KRT86: variants seen among roughly 807,000 people sequenced by gnomAD.
KRT86 encodes keratin, type II cuticular Hb6.
In KRT86, 30 loss-of-function variants were observed where a neutral mutation model predicts 41.2. The observed-to-expected ratio is 0.73, with a 90% CI of 0.54 to 0.99. The LOEUF (loss-of-function observed/expected upper bound fraction) is 0.99, where lower values mean the gene tolerates loss of function less well. Among genes scored for constraint, KRT86 ranks in the 50% least tolerant of loss-of-function variants. The pLI is 0.00. For missense variants in KRT86, 561 were observed against 571.4 expected (o/e 0.98, Z 0.19); for synonymous variants, 238 against 238.1 (o/e 1.00, Z 0.00).
intron 2 of KRT86, among the ~76,000 whole-genome samples, chr12:52,292,754 C>T (rs1336075343): frequency 6.6e-6 from 1 of 152,124 alleles, no homozygotes; most frequent in Non-Finnish European, 1.5e-5. Context: ...TTAAATTAAA[C>T]ATTGTTGGGA....
chr12:52,279,547 C>G (rs1297050642), intron 2 of KRT86, among the ~76,000 whole-genome samples: 1 of 152,162 alleles, frequency 6.6e-6, no homozygotes, highest in Non-Finnish European at 1.5e-5. Flanking sequence ...GTGGTCTGAG[C>G]TGCCAGGAGT....
intron 2 of KRT86, among the ~76,000 whole-genome samples, chr12:52,297,137 C>A (rs1057041961): frequency 6.6e-6 from 1 of 152,208 alleles, no homozygotes; most frequent in Admixed American, 6.5e-5. Context: ...CTGTCCTGCC[C>A]GCCTTTTGCC....
rs771448878 is a variant in KRT86, at chr12:52,287,209, C to A, written c.-5+11263C>A. On this transcript the variant is annotated intron_variant, in intron 2 of 10. Coordinates refer to ENST00000423955, the MANE Select transcript of KRT86 (RefSeq NM_001320198.2). ...ACTCCCTGATCAGGCAGGCCATGTC[C>A]TGCTTGGCCTTCTGCAGGGCGCCCT... 2.4e-5 allele frequency: 38 copies of A among 1,613,286 alleles called. 1 individual carries two copies. The East Asian group carries it at 8.5e-4, about 36-fold the overall frequency.
chr12:52,282,513 G>A (rs997724380), intron 2 of KRT86, among the ~76,000 whole-genome samples: 26 of 152,222 alleles, frequency 1.7e-4, no homozygotes, highest in African/African-American at 5.8e-4. Flanking sequence ...TGGGATTACA[G>A]GCGTGAGCCA....
intron 9 of KRT86, among the ~76,000 whole-genome samples, chr12:52,307,856 A>T (rs1298610089): frequency 6.6e-6 from 1 of 152,242 alleles, no homozygotes; most frequent in East Asian, 1.9e-4. Context: ...TTCAGTCAGA[A>T]CCAACTTCGA....
At chr12:52,286,250 G>C in intron 2 of KRT86, 1 of 1,553,000 alleles carries the variant, frequency 6.4e-7, no homozygotes, top group Non-Finnish European at 8.7e-7. Context: ...CTTGAGTTGG[G>C]GTGCCTAACA....
intron 2 of KRT86, among the ~76,000 whole-genome samples, chr12:52,276,490 G>A (rs1366751677): frequency 6.6e-6 from 1 of 152,128 alleles, no homozygotes; most frequent in Non-Finnish European, 1.5e-5. Flanking sequence ...TGAGGCAGAG[G>A]GTCCCTTGCC....
chr12:52,300,342 G>T (rs1173763060), intron 2 of KRT86, among the ~76,000 whole-genome samples: 1 of 152,092 alleles, frequency 6.6e-6, no homozygotes, highest in Non-Finnish European at 1.5e-5. Flanking sequence ...ATAAAATTCT[G>T]GTTGGTTCAA....
chr12:52,281,927 G>A (rs1184252474), intron 2 of KRT86, among the ~76,000 whole-genome samples: 6 of 151,994 alleles, frequency 3.9e-5, no homozygotes, highest in Admixed American at 3.9e-4. Context: ...GTTTTGTAGA[G>A]ATGGGGTCTC....
rs779212628 is a variant in KRT86, at chr12:52,304,941, T to G, written c.649T>G (p.Cys217Gly). The G allele has an allele frequency of 6.2e-7, 1 of 1,614,008 alleles. No individual in the cohort carries two copies. The highest frequency in any genetic ancestry group is 8.5e-7 in the Non-Finnish European group (1 of 1,180,020). ...EFVALKKDVDCAYLRKSDLEA... is the reference protein window; with the variant it reads ...EFVALKKDVDGAYLRKSDLEA... ...CTCCCCACCTTTCCAGGATGTGGACTGCGCCTACCTCCGCAAATCAGACCT... is the reference window on the plus strand; with the variant it reads ...CTCCCCACCTTTCCAGGATGTGGACGGCGCCTACCTCCGCAAATCAGACCT... Residue 217 changes from cysteine to glycine, a missense_variant, in exon 6 of 11, where the codon TGC becomes GGC. Transcript: ENST00000423955.
In KRT86 at chr12:52,308,849, G is replaced by A. The variant is rs1137013; in HGVS notation, c.*264G>A. Reference sequence around the variant, plus strand: ...GAGGATTCATCTTTTTCTTCCGCCTGCCTTCTGTTTTTTTTGCTGTATACA... The same window carrying A: ...GAGGATTCATCTTTTTCTTCCGCCTACCTTCTGTTTTTTTTGCTGTATACA... On this transcript the variant is annotated 3_prime_UTR_variant, in exon 11 of 11. Coordinates refer to ENST00000423955, the MANE Select transcript of KRT86 (RefSeq NM_001320198.2). 0.36 allele frequency: 189,328 copies of A among 524,100 alleles called. 35,194 individuals are homozygous for A. The highest frequency in any genetic ancestry group is 0.42 in the South Asian group (19,457 of 46,202). 32.5% of individuals were successfully genotyped at this position (524,100 alleles called of 1,614,324 possible).
chr12:52,295,699 T>G (rs1346949381), intron 2 of KRT86, among the ~76,000 whole-genome samples: 1 of 152,190 alleles, frequency 6.6e-6, no homozygotes, highest in African/African-American at 2.4e-5. Context: ...TGTGTACAAA[T>G]GTTTTCTTCG....
intron 2 of KRT86, among the ~76,000 whole-genome samples, chr12:52,299,596 T>C (rs1938326002): frequency 6.6e-6 from 1 of 152,246 alleles, no homozygotes; most frequent in African/African-American, 2.4e-5. Flanking sequence ...TCCACATCCT[T>C]GCCAGCATCC....
At chr12:52,304,816 G>A in intron 5 of KRT86, 116 bp from the exon 6 acceptor site, 1 of 1,145,632 alleles carries the variant, frequency 8.7e-7, no homozygotes, top group Non-Finnish European at 1.3e-6. Flanking sequence ...AGAGGGCATG[G>A]GAATGAGACA....
intron 2 of KRT86, among the ~76,000 whole-genome samples, chr12:52,276,469 T>C (rs1942561086): frequency 6.6e-6 from 1 of 152,132 alleles, no homozygotes; most frequent in Admixed American, 6.5e-5. Context: ...CCCAATCCCA[T>C]CCTTTGGATG....
In KRT86 at chr12:52,292,697, C is replaced by A. The variant is rs146385493; in HGVS notation, c.-4-9216C>A. On this transcript the variant is annotated intron_variant, in intron 2 of 10. Coordinates refer to ENST00000423955, the MANE Select transcript of KRT86 (RefSeq NM_001320198.2). The stretch of plus-strand genomic sequence containing the variant: ...TTTTATTTTATTTATTGTTTATTTT[C>A]ACATAAAATTCTGTTGGACAGCACT... 7.7e-4 allele frequency among the ~76,000 whole-genome samples: 117 copies of A among 152,164 alleles called. 1 individual carries two copies. The highest frequency in any genetic ancestry group is 2.7e-3 in the African/African-American group (114 of 41,500).
chr12:52,299,328 ACTTT>A (rs1465049165), intron 2 of KRT86, among the ~76,000 whole-genome samples: 5 of 152,188 alleles, frequency 3.3e-5, no homozygotes, highest in Non-Finnish European at 7.4e-5. Flanking sequence ...TCTGTAACAT[ACTTT>A]CTTTATTCAT....
rs1388209131 is a variant in KRT86 at position 52,283,375 on chromosome 12, AG to A, written c.-5+7432del. 1.2e-4 allele frequency among the ~76,000 whole-genome samples: 14 copies of A among 121,586 alleles called. No individual in the cohort carries two copies. In the East Asian group the frequency reaches 3.8e-3, roughly 33 times the overall value. 79.8% of individuals were successfully genotyped at this position (121,586 alleles called of 152,430 possible). A position where few individuals can be genotyped will look rare whatever the true frequency, so the allele number is the denominator to read the frequency against. On this transcript the variant is annotated intron_variant, in intron 2 of 10. Transcript: ENST00000423955. The stretch of plus-strand genomic sequence containing the variant: ...ACCACCGCACTCCAGCCTGGGCAAC[AG>A]GGTGAAACTGTCTCACAAAAAAAAA...
At chr12:52,291,238 TG>T (rs1007796402) in intron 2 of KRT86, 2 of 1,499,098 alleles carry the variant, frequency 1.3e-6, no homozygotes, top group African/African-American at 2.9e-5. Flanking sequence ...TGGTGATGCA[TG>T]GGGGACTGGG....
Sources: gnomAD v4.1 joint callset for allele counts (sites outside exome capture counted in the v4.1 genomes callset) on GRCh38, gnomAD v4.1.1 for gene constraint, MANE v1.5 for transcripts, NCBI Gene and HGNC (gene_info 2026-07-23, HGNC 2026-07-21) for gene names.